Variants in CCDC171 observed in about 807,000 individuals in gnomAD.
The protein encoded by CCDC171 is coiled-coil domain containing 171.
In CCDC171, 177 loss-of-function variants were observed where a neutral mutation model predicts 168.2. The observed-to-expected ratio is 1.05, with a 90% CI of 0.93 to 1.19. The LOEUF (loss-of-function observed/expected upper bound fraction) is 1.19. Among genes scored for constraint, CCDC171 ranks in the 50% most tolerant of loss-of-function variants. The probability of loss-of-function intolerance (pLI) is 0.00; values close to 1 mark genes in which losing one functional copy is unlikely to be tolerated. For synonymous variants in CCDC171, 687 were observed against 540.8 expected (o/e 1.27, Z -3.75); for missense variants, 1,991 against 1,539.0 (o/e 1.29, Z -4.91).
chr9:15,594,244 G>A, intron 6 of CCDC171, 72 bp downstream of exon 6: 1 of 834,960 alleles, frequency 1.2e-6, no homozygotes, highest in Non-Finnish European at 1.8e-6. Flanking sequence ...ACATTAGTGG[G>A]ATAACTGACT....
intron 21 of CCDC171, among the ~76,000 whole-genome samples, chr9:15,837,183 A>G (rs999482613): frequency 2.0e-5 from 3 of 152,174 alleles, no homozygotes; most frequent in African/African-American, 7.2e-5. Flanking sequence ...TGAACGTTCT[A>G]CAATATGTAC....
Position 15,594,064 on chromosome 9 carries a change from G to T in CCDC171, c.567G>T (p.Arg189=). The T allele has an allele frequency of 6.3e-7, 1 of 1,591,230 alleles. No homozygotes were observed. Among genetic ancestry groups the T allele is most frequent in the Admixed American group, 1.8e-5 (1 of 56,810 alleles). ...AGGAAGCGTTGGAAAAACATCAACG[G>T]GAGAAGAATGAGATGGAGTCTCATA... ...TLQEALEKHQ[R]EKNEMESHIR... Residue 189 remains arginine, a synonymous_variant, in exon 6 of 26, where the codon CGG becomes CGT. Coordinates refer to ENST00000380701, the MANE Select transcript of CCDC171 (RefSeq NM_173550.4).
At chr9:15,610,299 C>T in intron 6 of CCDC171, among the ~76,000 whole-genome samples, 1 of 150,984 alleles carries the variant, frequency 6.6e-6, no homozygotes, top group Non-Finnish European at 1.5e-5. Context: ...GATCATGGCT[C>T]ACTGCAGCTT....
At chr9:15,857,656 C>T (rs1475915315) in intron 23 of CCDC171, among the ~76,000 whole-genome samples, 1 of 151,884 alleles carries the variant, frequency 6.6e-6, no homozygotes, top group East Asian at 1.9e-4. Context: ...CTCCTGTCCT[C>T]AAGTTATCCA....
chr9:15,941,200 A>G (rs1407801521), intron 25 of CCDC171, among the ~76,000 whole-genome samples: 1 of 151,998 alleles, frequency 6.6e-6, no homozygotes, highest in African/African-American at 2.4e-5. Flanking sequence ...TTTTAGAATA[A>G]CAAACAAAAT....
chr9:15,769,907 A>G (rs954551322), intron 18 of CCDC171, among the ~76,000 whole-genome samples: 3 of 152,240 alleles, frequency 2.0e-5, no homozygotes, highest in Admixed American at 2.0e-4. Context: ...AGTTACTTCT[A>G]TCTAAATAGC....
intron 25 of CCDC171, among the ~76,000 whole-genome samples, chr9:15,971,189 A>T (rs1488277655): frequency 2.0e-5 from 3 of 152,140 alleles, no homozygotes; most frequent in Non-Finnish European, 4.4e-5. Context: ...AAATACTCAT[A>T]GTTTATTTTC....
At position 15,571,758 on chromosome 9, in the gene CCDC171, AG is replaced by A. The variant is rs2040239527; in HGVS notation, c.177+1del. On this transcript the variant is annotated frameshift_variant and splice_region_variant, in exon 3 of 26. Transcript: ENST00000380701. LOFTEE classifies it high-confidence loss of function. The part of the protein sequence containing the change: ...KLEITTKHNA[E>X]LASYESQIAK... ...GAAATAACAACCAAACACAATGCAG[AG>A]GTACGATTTATTTTCCTCTCAAATA... is the stretch of plus-strand genomic sequence containing the variant. 1 of 1,569,922 alleles carries A rather than the reference AG, an allele frequency of 6.4e-7. No homozygotes were observed. Among genetic ancestry groups the A allele is most frequent in the Admixed American group, 2.2e-5 (1 of 45,674 alleles).
At chr9:15,854,744 C>T (rs147454670) in intron 23 of CCDC171, among the ~76,000 whole-genome samples, 84 of 151,676 alleles carry the variant, frequency 5.5e-4, no homozygotes, top group African/African-American at 1.9e-3. Context: ...AGATTTCTGT[C>T]TGATGCAGCT....
At chr9:15,799,792 G>T (rs945505750) in intron 21 of CCDC171, among the ~76,000 whole-genome samples, 1 of 151,670 alleles carries the variant, frequency 6.6e-6, no homozygotes, top group Non-Finnish European at 1.5e-5. Flanking sequence ...CTCTGCCTCT[G>T]GTAACCATCC....
At chr9:15,988,875 T>A (rs956362220) in intron 3 of CCDC171, among the ~76,000 whole-genome samples, 1 of 151,946 alleles carries the variant, frequency 6.6e-6, no homozygotes, top group Non-Finnish European at 1.5e-5. Flanking sequence ...GCAGCAGGGC[T>A]GGGGGAGGGG....
the CCDC171 span, among the ~76,000 whole-genome samples, chr9:16,103,004 C>G: frequency 2.0e-5 from 3 of 152,204 alleles, no homozygotes; most frequent in Non-Finnish European, 2.9e-5. Flanking sequence ...GGCAGAAAAC[C>G]TCAGCCGCAC....
chr9:15,716,075 A>G lies in CCDC171; in HGVS notation c.1319-5694A>G, dbSNP rs1223403031. Among the ~76,000 whole-genome samples the G allele has an allele frequency of 2.0e-5, 3 of 152,172 alleles. No individual in the cohort carries two copies. The South Asian group carries it at 6.2e-4, about 32-fold the overall frequency. ...AGTGACCCAGTCAGGTTGACAAAAA[A>G]TTCACCATCACATCCCCTTTTCTCC... is the stretch of plus-strand genomic sequence containing the variant. On this transcript the variant is annotated intron_variant, in intron 11 of 25. Coordinates refer to ENST00000380701, the MANE Select transcript of CCDC171 (RefSeq NM_173550.4).
chr9:15,980,490 A>T (rs73413904), intron 3 of CCDC171, among the ~76,000 whole-genome samples: 3 of 152,076 alleles, frequency 2.0e-5, no homozygotes, highest in African/African-American at 7.2e-5. Context: ...AATAGCCTGC[A>T]TGTATGGCCT....
intron 11 of CCDC171, among the ~76,000 whole-genome samples, chr9:15,699,819 G>A (rs11789563): frequency 0.4 from 60,090 of 150,272 alleles, 13,442 homozygotes; most frequent in East Asian, 0.77. Flanking sequence ...ACAGAGTGAC[G>A]ATTGGTGCAT....
intron 20 of CCDC171, among the ~76,000 whole-genome samples, chr9:15,780,052 A>G (rs1044651510): frequency 3.3e-5 from 5 of 152,228 alleles, no homozygotes; most frequent in Non-Finnish European, 7.3e-5. Flanking sequence ...TGGAATTTAC[A>G]GTTTTAACAT....
Position 15,713,526 on chromosome 9 carries a change from G to A in CCDC171, c.1319-8243G>A, listed in dbSNP as rs377224148. Among the ~76,000 whole-genome samples the A allele has an allele frequency of 1.3e-3, 195 of 152,162 alleles. 2 individuals are homozygous for A. Among genetic ancestry groups the A allele is most frequent in the African/African-American group, 4.6e-3 (191 of 41,514 alleles). ...TGTATGCCAAAATTTATGGATTGGT[G>A]GATCACACAGTAACCGTTTCATGAT... is the stretch of plus-strand genomic sequence containing the variant. On this transcript the variant is annotated intron_variant, in intron 11 of 25. Transcript: ENST00000380701.
chr9:16,048,268 C>G (rs1048820389), intron 1 of CCDC171, among the ~76,000 whole-genome samples: 2 of 151,980 alleles, frequency 1.3e-5, no homozygotes, highest in Non-Finnish European at 2.9e-5. Context: ...ACGTGTAGAG[C>G]TCTTAGTTGT....
At chr9:15,868,371 C>T (rs2061878677) in intron 23 of CCDC171, among the ~76,000 whole-genome samples, 1 of 151,916 alleles carries the variant, frequency 6.6e-6, no homozygotes, top group Non-Finnish European at 1.5e-5. Context: ...TTGCTTATAT[C>T]CTGGGACATT....
Sources: allele counts gnomAD v4.1 joint callset (sites outside exome capture counted in the v4.1 genomes callset), GRCh38; gene constraint gnomAD v4.1.1; transcripts MANE v1.5; gene names NCBI Gene and HGNC (gene_info 2026-07-23, HGNC 2026-07-21).